CD320: variants seen among roughly 807,000 people sequenced by gnomAD.
CD320 encodes the protein CD320 molecule.
Under a neutral mutation model 22.1 loss-of-function variants are expected in CD320, and 16 were observed. The ratio of observed to expected loss-of-function variants is 0.73; its 90% CI spans 0.49 to 1.10. The LOEUF is 1.10. Ranked by LOEUF, CD320 falls within the 50% of genes least tolerant of loss-of-function variation. The pLI is 0.00. For missense variants in CD320, 388 were observed against 376.9 expected, an observed-to-expected ratio of 1.03 and a Z score of -0.24; for synonymous variants, 188 against 167.8, an observed-to-expected ratio of 1.12 and a Z score of -0.93.
chr19:8,304,653 C>T (rs964209519), intron 2 of CD320: 17 of 254,970 alleles, frequency 6.7e-5, no homozygotes, highest in Non-Finnish European at 1.1e-4. Context: ...CCCTCCCTCT[C>T]TCTTTCCTTC....
chr19:8,308,076 G>C (rs924274183), intron 1 of CD320, 73 bp downstream of exon 1: 17 of 1,360,448 alleles, frequency 1.2e-5, no homozygotes, highest in African/African-American at 3.1e-5. Context: ...CCAGTGACTA[G>C]GCGTTGTCGG....
At chr19:8,302,746 C>T (rs528401782) in intron 4 of CD320, 31 bp downstream of exon 4, 1 of 1,612,002 alleles carries the variant, frequency 6.2e-7, no homozygotes, top group South Asian at 1.1e-5. Context: ...GAGCTCTAAG[C>T]CCCCAGCATG....
rs991367758 is a variant in CD320 at position 8,308,031 on chromosome 19, G to A, written c.142+118C>T. 7 of 1,045,658 alleles carry A rather than the reference G, an allele frequency of 6.7e-6. No homozygotes were observed. The African/African-American group carries it at 1.0e-4, about 15-fold the overall frequency. The allele number at this position is 1,045,658 out of a possible 1,614,324, so 64.8% of individuals were successfully genotyped here. A position where few individuals can be genotyped will look rare whatever the true frequency, so the allele number is the denominator to read the frequency against. On this transcript the variant is annotated intron_variant, in intron 1 of 4. Coordinates refer to ENST00000301458, the MANE Select transcript of CD320 (RefSeq NM_016579.4). ...CAAGCGATGAAGTCCAAGTCCACGTGCTGGGGGAGTGTCATGAACTGACGT... is the reference window on the plus strand; with the variant it reads ...CAAGCGATGAAGTCCAAGTCCACGTACTGGGGGAGTGTCATGAACTGACGT...
intron 1 of CD320, 113 bp from the exon 2 acceptor site, chr19:8,305,269 G>A: frequency 7.6e-7 from 1 of 1,316,986 alleles, no homozygotes; most frequent in Non-Finnish European, 1.0e-6. Context: ...CGGGATATAG[G>A]AACCACACTG....
rs768870573 is a variant in CD320, at chr19:8,302,604, C to G, written c.708G>C (p.Ala236=). The G allele has an allele frequency of 2.5e-6, 4 of 1,613,256 alleles. No homozygotes were observed. The highest frequency in any genetic ancestry group is 3.4e-6 in the Non-Finnish European group (4 of 1,179,688). ...PTAYGVIAAA[A]VLSASLVTAT... is the part of the protein sequence containing the mutation. ...CGGTGACCAGGCTTGCACTGAGCAC[C>G]GCTGTGGGGAACAGATGGACAGAGG... is the stretch of plus-strand genomic sequence containing the variant. Residue 236 remains alanine, a splice_region_variant and synonymous_variant, in exon 5 of 5, where the codon GCG becomes GCC. Coordinates refer to ENST00000301458, the MANE Select transcript of CD320 (RefSeq NM_016579.4).
chr19:8,303,914 A>AGT lies in CD320; in HGVS notation c.441_442dup (p.Leu148HisfsTer39). ...TGGGTGGCCGTCGCAGCGCCACGTGAGTGGAATGCAGTCATCGCTCAGCGT... is the reference window on the plus strand; with the variant it reads ...TGGGTGGCCGTCGCAGCGCCACGTGAGTGTGGAATGCAGTCATCGCTCAGCGT... On this transcript the variant is annotated frameshift_variant, in exon 3 of 5. Coordinates refer to ENST00000301458, the MANE Select transcript of CD320 (RefSeq NM_016579.4). LOFTEE classifies it high-confidence loss of function. 6.2e-7 allele frequency: 1 copy of AGT among 1,605,528 alleles called. No individual in the cohort carries two copies. The highest frequency in any genetic ancestry group is 8.5e-7 in the Non-Finnish European group (1 of 1,176,446).
Position 8,308,141 on chromosome 19 carries a change from T to G in CD320, c.142+8A>C. On this transcript the variant is annotated splice_region_variant and intron_variant, in intron 1 of 4. Coordinates refer to ENST00000301458, the MANE Select transcript of CD320 (RefSeq NM_016579.4). ...GGGTGGGAGCCCGCGCTGCGGGGCG[T>G]CACTCACCTGCGGCCTGGGCAGAGG... 6.6e-7 allele frequency: 1 copy of G among 1,510,026 alleles called. No individual in the cohort carries two copies. Among genetic ancestry groups the G allele is most frequent in the East Asian group, 2.6e-5 (1 of 38,636 alleles). The allele number at this position is 1,510,026 out of a possible 1,614,324, so 93.5% of individuals were successfully genotyped here.
At position 8,302,968 on chromosome 19, in the gene CD320, A is replaced by G. The variant is rs772500448; in HGVS notation, c.515T>C (p.Ile172Thr). 55 of 1,613,758 alleles carry G rather than the reference A, an allele frequency of 3.4e-5. No individual in the cohort carries two copies. Among genetic ancestry groups the G allele is most frequent in the South Asian group, 3.3e-5 (3 of 91,062 alleles). Reference sequence around the variant, plus strand: ...GGTTGTGGCATCCCCTTCCGGGAGGATCTCATTGGTTCCTGCAATAAGCCC... The same window carrying G: ...GGTTGTGGCATCCCCTTCCGGGAGGGTCTCATTGGTTCCTGCAATAAGCCC... ...SDELGCGTNEILPEGDATTMG... is the reference protein window; with the variant it reads ...SDELGCGTNETLPEGDATTMG... The change falls in exon 4 of 5, where the codon ATC becomes ACC. Residue 172 changes from isoleucine to threonine, a missense_variant. Ile to Thr is a moderately conservative substitution (Grantham distance 89, BLOSUM62 -1). Coordinates refer to ENST00000301458, the MANE Select transcript of CD320 (RefSeq NM_016579.4).
intron 2 of CD320, chr19:8,304,652 T>C (rs2145377452): frequency 2.9e-5 from 7 of 243,730 alleles, no homozygotes; most frequent in South Asian, 4.7e-5. Context: ...TCCCTCCCTC[T>C]CTCTTTCCTT....
At chr19:8,307,255 C>T (rs1970102491) in intron 1 of CD320, among the ~76,000 whole-genome samples, 1 of 150,512 alleles carries the variant, frequency 6.6e-6, no homozygotes, top group African/African-American at 2.5e-5. Context: ...TTGCACTGCA[C>T]TCCAGCCAGG....
At chr19:8,307,516 A>G (rs1261013903) in intron 1 of CD320, among the ~76,000 whole-genome samples, 1 of 152,132 alleles carries the variant, frequency 6.6e-6, no homozygotes, top group Non-Finnish European at 1.5e-5. Flanking sequence ...CCAACCCTCC[A>G]GCTGCCTCTA....
intron 2 of CD320, chr19:8,304,724 G>A (rs1302827405): frequency 3.0e-6 from 1 of 331,280 alleles, no homozygotes; most frequent in African/African-American, 2.2e-5. Context: ...TCCTGAGACA[G>A]TCTTACTCTG....
At chr19:8,305,298 G>T in intron 1 of CD320, 142 bp from the exon 2 acceptor site, 1 of 1,023,868 alleles carries the variant, frequency 9.8e-7, no homozygotes, top group Non-Finnish European at 1.4e-6. Context: ...TTGTTACTGA[G>T]CCCCTAGTAC....
At position 8,308,233 on chromosome 19, in the gene CD320, C is replaced by A; in HGVS notation, c.58G>T (p.Ala20Ser). Reference protein sequence around the residue: ...GAWRTGALGLALLLLLGLGLG... With the variant: ...GAWRTGALGLSLLLLLGLGLG... ...CCGAGGCCGAGCAGCAGCAGCAGCGCCAGGCCCAGAGCCCCTGTTCGCCAC... is the reference window on the plus strand; with the variant it reads ...CCGAGGCCGAGCAGCAGCAGCAGCGACAGGCCCAGAGCCCCTGTTCGCCAC... The change falls in exon 1 of 5, where the codon GCG becomes TCG. Residue 20 changes from alanine to serine, a missense_variant. Physicochemically the swap from Ala to Ser is moderately conservative, Grantham distance 99 (BLOSUM62 1). Coordinates refer to ENST00000301458, the MANE Select transcript of CD320 (RefSeq NM_016579.4). 2 of 1,580,276 alleles carry A rather than the reference C, an allele frequency of 1.3e-6. No homozygotes were observed. Among genetic ancestry groups the A allele is most frequent in the South Asian group, 1.1e-5 (1 of 88,290 alleles).
rs767897892 is a variant in CD320 at position 8,304,052 on chromosome 19, G to A, written c.305C>T (p.Pro102Leu). Residue 102 changes from proline to leucine, a missense_variant, in exon 3 of 5, where the codon CCG becomes CTG. Transcript: ENST00000301458. Reference sequence around the variant, plus strand: ...GCAGGGGCAGGGGAGGCCAGGGGGCGGTGGGCATTGCCCTTTCTGGGTACA... The same window carrying A: ...GCAGGGGCAGGGGAGGCCAGGGGGCAGTGGGCATTGCCCTTTCTGGGTACA... Reference protein sequence around the residue: ...EPCTQKGQCPPPPGLPCPCTG... With the variant: ...EPCTQKGQCPLPPGLPCPCTG... 5.2e-6 allele frequency: 8 copies of A among 1,551,006 alleles called. No individual in the cohort carries two copies. The highest frequency in any genetic ancestry group is 4.7e-5 in the South Asian group (4 of 84,504).
At chr19:8,303,251 G>C (rs1011361565) in intron 3 of CD320, among the ~76,000 whole-genome samples, 5 of 151,686 alleles carry the variant, frequency 3.3e-5, no homozygotes, top group African/African-American at 1.2e-4. Flanking sequence ...CGAGTAGCTG[G>C]GATTACAGGT....
chr19:8,304,149 A>C, intron 2 of CD320, 61 bp from the exon 3 acceptor site: 7 of 870,208 alleles, frequency 8.0e-6, no homozygotes, highest in Admixed American at 2.1e-5. Flanking sequence ...GTACTCCCTG[A>C]AACCCCATCC....
chr19:8,306,408 T>C (rs1289416786), intron 1 of CD320, among the ~76,000 whole-genome samples: 1 of 152,128 alleles, frequency 6.6e-6, no homozygotes, highest in African/African-American at 2.4e-5. Context: ...CTGTCCTAGA[T>C]TCTGAGCAGG....
chr19:8,306,359 T>C (rs1472402798), intron 1 of CD320, among the ~76,000 whole-genome samples: 1 of 151,934 alleles, frequency 6.6e-6, no homozygotes, highest in Non-Finnish European at 1.5e-5. Flanking sequence ...TGGACACAGG[T>C]CACATAAGGG....
Sources: gnomAD v4.1 joint callset for allele counts (sites outside exome capture counted in the v4.1 genomes callset) on GRCh38, gnomAD v4.1.1 for gene constraint, MANE v1.5 for transcripts, NCBI Gene and HGNC (gene_info 2026-07-23, HGNC 2026-07-21) for gene names.